The following ADD3 variants were observed in gnomAD, a reference collection of about 807,000 sequenced individuals.
ADD3 encodes gamma-adducin.
Under a neutral mutation model 80.2 loss-of-function variants are expected in ADD3, and 25 were observed. The observed-to-expected ratio is 0.31, with a 90% CI of 0.23 to 0.44. The LOEUF (loss-of-function observed/expected upper bound fraction) is 0.44. Ranked by LOEUF, ADD3 falls within the 20% of genes least tolerant of loss-of-function variation. The pLI, the probability that ADD3 is intolerant of heterozygous loss-of-function variation, is 1.00. For synonymous variants in ADD3, 284 were observed against 289.6 expected (o/e 0.98, Z 0.20); for missense variants, 829 against 847.5 (o/e 0.98, Z 0.27).
chr10:110,049,320 C>A (rs1367815265), intron 1 of ADD3, among the ~76,000 whole-genome samples: 1 of 152,190 alleles, frequency 6.6e-6, no homozygotes, highest in African/African-American at 2.4e-5. Flanking sequence ...GTTGAAGCCC[C>A]CACATACAGT....
chr10:110,046,050 A>G (rs12763048), intron 1 of ADD3, among the ~76,000 whole-genome samples: 2,362 of 152,312 alleles, frequency 0.016, 25 homozygotes, highest in Non-Finnish European at 0.023. Context: ...GAATAACACC[A>G]TGAGACTCAT....
Position 110,133,579 on chromosome 10 carries a change from T to G in ADD3, c.2082T>G (p.Phe694Leu). 1 of 1,596,310 alleles carries G rather than the reference T, an allele frequency of 6.3e-7. No homozygotes were observed. Among genetic ancestry groups the G allele is most frequent in the Non-Finnish European group, 8.5e-7 (1 of 1,174,098 alleles). Residue 694 changes from phenylalanine (F) to leucine (L), a missense_variant, in exon 15 of 15, where the codon TTT becomes TTG. Transcript: ENST00000356080. The part of the protein sequence containing the change: ...KKKKKFRTPS[F>L]LKKNKKKEKV... ...AGAAGAAATTCCGCACTCCTTCTTTTCTGAAAAAGAACAAAAAAAAGGAGA... is the reference window on the plus strand; with the variant it reads ...AGAAGAAATTCCGCACTCCTTCTTTGCTGAAAAAGAACAAAAAAAAGGAGA...
chr10:110,032,338 C>T (rs754854791), intron 1 of ADD3, among the ~76,000 whole-genome samples: 88 of 152,158 alleles, frequency 5.8e-4, no homozygotes, highest in Non-Finnish European at 9.4e-4. Context: ...GATCACAAAT[C>T]ATGAGTGCTC....
chr10:110,075,281 G>A (rs190424840), intron 1 of ADD3, among the ~76,000 whole-genome samples: 278 of 152,072 alleles, frequency 1.8e-3, no homozygotes, highest in Admixed American at 4.6e-3. Flanking sequence ...TATTCAGAAG[G>A]GAGAATATTT....
chr10:110,019,429 A>G (rs1853399296), intron 1 of ADD3, among the ~76,000 whole-genome samples: 1 of 148,560 alleles, frequency 6.7e-6, no homozygotes, highest in East Asian at 2.0e-4. Context: ...ATCTCGGCTC[A>G]CTGCAACCTC....
intron 1 of ADD3, among the ~76,000 whole-genome samples, chr10:110,073,746 C>T (rs1042898072): frequency 2.0e-5 from 3 of 152,078 alleles, no homozygotes; most frequent in African/African-American, 7.2e-5. Context: ...TAACTAAATG[C>T]CTATTACCAT....
intron 1 of ADD3, among the ~76,000 whole-genome samples, chr10:110,038,225 C>T (rs1217799370): frequency 1.3e-5 from 2 of 151,980 alleles, no homozygotes; most frequent in Admixed American, 6.6e-5. Flanking sequence ...GACTTATTTT[C>T]CACTTACATG....
Position 110,014,934 on chromosome 10 carries a change from C to T in ADD3, c.-30+6635C>T, listed in dbSNP as rs573330446. Among the ~76,000 whole-genome samples, 5 of 152,022 alleles carry T rather than the reference C, an allele frequency of 3.3e-5. No homozygotes were observed. In the South Asian group the frequency reaches 8.3e-4, roughly 25 times the overall value. ...CTGTTGCCAGGCTGGAGTGCAGTGG[C>T]GTGATCTCGGCTCAATGCAACCTCC... On this transcript the variant is annotated intron_variant, in intron 1 of 14. Coordinates refer to ENST00000356080, the MANE Select transcript of ADD3 (RefSeq NM_016824.5).
intron 1 of ADD3, among the ~76,000 whole-genome samples, chr10:110,031,518 C>T (rs1855022836): frequency 6.6e-6 from 1 of 152,112 alleles, no homozygotes. Context: ...AACCAGTGTT[C>T]TTTCAGCTGT....
At chr10:110,000,384 C>T (rs1297641296) in intron 1 of ADD3, among the ~76,000 whole-genome samples, 4 of 152,160 alleles carry the variant, frequency 2.6e-5, no homozygotes, top group African/African-American at 7.2e-5. Context: ...CAGATCAATT[C>T]AGTCTGCAAT....
chr10:110,020,435 A>G (rs1853536941), intron 1 of ADD3, among the ~76,000 whole-genome samples: 1 of 152,194 alleles, frequency 6.6e-6, no homozygotes, highest in Admixed American at 6.5e-5. Context: ...GTCCTCACAG[A>G]GAAGGTGACC....
At position 110,058,299 on chromosome 10, in the gene ADD3, G is replaced by A. The variant is rs192751775; in HGVS notation, c.-29-42326G>A. 1.9e-4 allele frequency among the ~76,000 whole-genome samples: 29 copies of A among 152,118 alleles called. No individual in the cohort carries two copies. The East Asian group carries it at 5.2e-3, about 27-fold the overall frequency. On this transcript the variant is annotated intron_variant, in intron 1 of 14. Coordinates refer to ENST00000356080, the MANE Select transcript of ADD3 (RefSeq NM_016824.5). ...GTTTTTGTCATTTCCACTTTAACGT[G>A]AACTAAGAAGTCATCCTTTTCCTGT...
intron 12 of ADD3, among the ~76,000 whole-genome samples, chr10:110,128,618 C>A (rs562003917): frequency 6.6e-6 from 1 of 152,036 alleles, no homozygotes; most frequent in South Asian, 2.1e-4. Context: ...AGGGTTTCAC[C>A]GCGTTAGCCA....
chr10:110,002,429 C>CA (rs1564823102), upstream of ADD3, among the ~76,000 whole-genome samples: 1 of 152,002 alleles, frequency 6.6e-6, no homozygotes, highest in African/African-American at 2.4e-5. Context: ...TCCCGCCCCC[C>CA]ACACCGGGCT....
At chr10:110,058,068 A>G (rs1160822850) in intron 1 of ADD3, among the ~76,000 whole-genome samples, 1 of 150,584 alleles carries the variant, frequency 6.6e-6, no homozygotes, top group Non-Finnish European at 1.5e-5. Context: ...ACCATGAAAT[A>G]TTTCTTTGAT....
At chr10:110,019,345 ACTTT>A (rs1390355251) in intron 1 of ADD3, among the ~76,000 whole-genome samples, 1 of 148,448 alleles carries the variant, frequency 6.7e-6, no homozygotes, top group African/African-American at 2.5e-5. Context: ...TGAGCAAGTA[ACTTT>A]CTGTTTGCTT....
At position 110,124,143 on chromosome 10, in the gene ADD3, C is replaced by T. The variant is rs769434803; in HGVS notation, c.1270C>T (p.Pro424Ser). The T allele has an allele frequency of 3.1e-6, 5 of 1,614,182 alleles. No homozygotes were observed. Among genetic ancestry groups the T allele is most frequent in the Non-Finnish European group, 4.2e-6 (5 of 1,180,032 alleles). ...SFEDDTVPLS[P>S]LKYMAQRQQR... The stretch of plus-strand genomic sequence containing the variant: ...TGAAGACGATACAGTGCCACTCTCT[C>T]CTCTCAAATACATGGCACAGAGGCA... Residue 424 changes from proline to serine, a missense_variant, in exon 10 of 15, where the codon CCT (proline) becomes TCT (serine). Physicochemically the swap from Pro to Ser is moderately conservative, Grantham distance 74. Coordinates refer to ENST00000356080, the MANE Select transcript of ADD3 (RefSeq NM_016824.5).
At chr10:110,053,184 T>C (rs1430289210) in intron 1 of ADD3, among the ~76,000 whole-genome samples, 1 of 152,116 alleles carries the variant, frequency 6.6e-6, no homozygotes, top group Admixed American at 6.5e-5. Flanking sequence ...TTACCAGTGA[T>C]CTGTCTACAT....
intron 1 of ADD3, among the ~76,000 whole-genome samples, chr10:110,066,494 A>G (rs1197049055): frequency 6.6e-6 from 1 of 152,140 alleles, no homozygotes; most frequent in East Asian, 1.9e-4. Context: ...TGGCCTTTCA[A>G]AGTGCTGGGA....
Sources: allele counts gnomAD v4.1 joint callset (sites outside exome capture counted in the v4.1 genomes callset), GRCh38; gene constraint gnomAD v4.1.1; transcripts MANE v1.5; gene names NCBI Gene and HGNC (gene_info 2026-07-23, HGNC 2026-07-21).